The following MACROD2 variants were observed in gnomAD, a reference collection of about 807,000 sequenced individuals.
The protein encoded by MACROD2 is ADP-ribose glycohydrolase MACROD2.
In MACROD2, 36 loss-of-function variants were observed where a neutral mutation model predicts 70.4. The ratio of observed to expected loss-of-function variants is 0.51; its 90% CI spans 0.39 to 0.68. The LOEUF is 0.68. Ranked by LOEUF, MACROD2 falls within the 30% of genes least tolerant of loss-of-function variation. The pLI, the probability that MACROD2 is intolerant of heterozygous loss-of-function variation, is 0.00. For missense variants in MACROD2, 496 were observed against 538.4 expected, an observed-to-expected ratio of 0.92 and a Z score of 0.78; for synonymous variants, 172 against 178.8, an observed-to-expected ratio of 0.96 and a Z score of 0.30.
intron 3 of MACROD2, among the ~76,000 whole-genome samples, chr20:14,428,596 A>G (rs1490142678): frequency 6.6e-6 from 1 of 152,162 alleles, no homozygotes; most frequent in East Asian, 1.9e-4. Context: ...AAATTATTTA[A>G]AAAGAGATAA....
At position 15,851,542 on chromosome 20, in the gene MACROD2, G is replaced by T. The variant is rs141106068; in HGVS notation, c.646-11203G>T. Among the ~76,000 whole-genome samples the T allele has an allele frequency of 5.3e-4, 80 of 152,098 alleles. No homozygotes were observed. In the East Asian group the frequency reaches 0.013, roughly 25 times the overall value. ...TCTGATGAGAAAACTTGTTATATGG[G>T]ATTAGGGCCTATCCCCGTGACCTCA... On this transcript the variant is annotated intron_variant, in intron 8 of 17. Coordinates refer to ENST00000684519, the MANE Select transcript of MACROD2 (RefSeq NM_001351661.2).
intron 4 of MACROD2, among the ~76,000 whole-genome samples, chr20:14,665,109 A>G (rs1450567359): frequency 6.6e-6 from 1 of 151,814 alleles, no homozygotes; most frequent in Non-Finnish European, 1.5e-5. Context: ...ATTACAGGTG[A>G]CTCTGATGCC....
intron 3 of MACROD2, among the ~76,000 whole-genome samples, chr20:14,136,311 A>C (rs2054796828): frequency 6.6e-6 from 1 of 152,118 alleles, no homozygotes; most frequent in Non-Finnish European, 1.5e-5. Flanking sequence ...GAGGAATAAA[A>C]AGCTGGAGTT....
chr20:14,422,112 T>C (rs904598571), intron 3 of MACROD2, among the ~76,000 whole-genome samples: 1 of 152,172 alleles, frequency 6.6e-6, no homozygotes, highest in Non-Finnish European at 1.5e-5. Context: ...TTTATAATTG[T>C]TATATATTTT....
intron 3 of MACROD2, among the ~76,000 whole-genome samples, chr20:14,369,042 C>T (rs2083298888): frequency 6.6e-6 from 1 of 152,114 alleles, no homozygotes; most frequent in African/African-American, 2.4e-5. Context: ...CTTCGGTATA[C>T]ATGAATGCTA....
rs75441542 is a variant in MACROD2, at chr20:14,066,571, G to A, written c.164-19050G>A. On this transcript the variant is annotated intron_variant, in intron 2 of 17. Coordinates refer to ENST00000684519, the MANE Select transcript of MACROD2 (RefSeq NM_001351661.2). Reference sequence around the variant, plus strand: ...AAATTTTACCCAAGACCCACAGTAAGAAACATATGACCTATGTGTGTCTAA... The same window carrying A: ...AAATTTTACCCAAGACCCACAGTAAAAAACATATGACCTATGTGTGTCTAA... 7.6e-3 allele frequency among the ~76,000 whole-genome samples: 1,150 copies of A among 152,242 alleles called. 16 individuals carry two copies. Among genetic ancestry groups the A allele is most frequent in the African/African-American group, 0.025 (1,057 of 41,542 alleles).
intron 13 of MACROD2, among the ~76,000 whole-genome samples, chr20:15,977,600 A>ATT (rs2066327071): frequency 6.6e-6 from 1 of 152,212 alleles, no homozygotes; most frequent in Non-Finnish European, 1.5e-5. Context: ...GTCCAATTAA[A>ATT]TAGACATTGA....
At chr20:15,218,383 C>T (rs73260712) in intron 5 of MACROD2, among the ~76,000 whole-genome samples, 4,408 of 152,288 alleles carry the variant, frequency 0.029, 130 homozygotes, top group Middle Eastern at 0.068. Context: ...CTCTTTTTCA[C>T]GCCTTGGACT....
At chr20:14,767,221 A>G (rs1302160944) in intron 5 of MACROD2, among the ~76,000 whole-genome samples, 1 of 152,138 alleles carries the variant, frequency 6.6e-6, no homozygotes, top group African/African-American at 2.4e-5. Flanking sequence ...AAAGAAATAA[A>G]CACTTCATTT....
intron 3 of MACROD2, among the ~76,000 whole-genome samples, chr20:14,103,300 A>C (rs562553247): frequency 1.8e-4 from 27 of 152,296 alleles, no homozygotes; most frequent in Middle Eastern, 6.8e-3. Flanking sequence ...AAATAGTAAC[A>C]AAGTCTTCCA....
rs1351971831 is a variant in MACROD2 at position 16,000,058 on chromosome 20, T to G, written c.1153+12900T>G. Among the ~76,000 whole-genome samples the G allele has an allele frequency of 2.0e-5, 3 of 152,350 alleles. No homozygotes were observed. The East Asian group carries it at 5.8e-4, about 29-fold the overall frequency. ...TTACAGTTATCGCACTCTGTCAGCC[T>G]TTGGTATTGAATTCATATGGGATTA... On this transcript the variant is annotated intron_variant, in intron 15 of 17. Coordinates refer to ENST00000684519, the MANE Select transcript of MACROD2 (RefSeq NM_001351661.2).
chr20:14,049,279 A>G lies in MACROD2; in HGVS notation c.164-36342A>G, dbSNP rs192253943. ...TTGGGGGAATTCCCTGATGATAGAA[A>G]GTAGATGGACTGAGAGGGGCAGAAG... On this transcript the variant is annotated intron_variant, in intron 2 of 17. Transcript: ENST00000684519. Among the ~76,000 whole-genome samples, 75 of 152,136 alleles carry G rather than the reference A, an allele frequency of 4.9e-4. 1 individual carries two copies. The highest frequency in any genetic ancestry group is 8.5e-4 in the Admixed American group (13 of 15,264).
At chr20:15,102,479 A>C (rs1241508530) in intron 5 of MACROD2, among the ~76,000 whole-genome samples, 1 of 152,038 alleles carries the variant, frequency 6.6e-6, no homozygotes, top group Non-Finnish European at 1.5e-5. Flanking sequence ...TTTCACTATC[A>C]TAATCTTGCA....
chr20:15,365,405 C>T (rs538246296), intron 6 of MACROD2, among the ~76,000 whole-genome samples: 1 of 152,226 alleles, frequency 6.6e-6, no homozygotes, highest in East Asian at 1.9e-4. Context: ...GTGGCTCACA[C>T]CTGTAATCCC....
chr20:15,175,700 G>T (rs555306604), intron 5 of MACROD2, among the ~76,000 whole-genome samples: 14 of 152,320 alleles, frequency 9.2e-5, no homozygotes, highest in African/African-American at 3.1e-4. Context: ...AATAATTTAT[G>T]ATAGGAGTTT....
At chr20:15,142,522 A>T (rs1189366008) in intron 5 of MACROD2, among the ~76,000 whole-genome samples, 1 of 151,712 alleles carries the variant, frequency 6.6e-6, no homozygotes, top group East Asian at 1.9e-4. Context: ...TTATTTTTTT[A>T]TTATTATACT....
intron 5 of MACROD2, among the ~76,000 whole-genome samples, chr20:15,225,704 T>C (rs957599284): frequency 6.6e-6 from 1 of 152,204 alleles, no homozygotes; most frequent in African/African-American, 2.4e-5. Context: ...CTTTGTCTAT[T>C]TTACAGAAGC....
At chr20:14,224,117 C>T (rs895744820) in intron 3 of MACROD2, among the ~76,000 whole-genome samples, 1 of 31,046 alleles carries the variant, frequency 3.2e-5, no homozygotes, top group African/African-American at 1.0e-4. Context: ...GATTTAATAT[C>T]AATCACATCT....
intron 5 of MACROD2, among the ~76,000 whole-genome samples, chr20:14,718,153 C>T (rs1357737119): frequency 4.0e-5 from 6 of 151,350 alleles, no homozygotes; most frequent in Non-Finnish European, 7.4e-5. Context: ...ATTTGCCAGG[C>T]GTGGTGGCAC....
Sources: allele counts gnomAD v4.1 joint callset (sites outside exome capture counted in the v4.1 genomes callset), GRCh38; gene constraint gnomAD v4.1.1; transcripts MANE v1.5; gene names NCBI Gene and HGNC (gene_info 2026-07-23, HGNC 2026-07-21).